Variants in WWOX observed in about 807,000 individuals in gnomAD.
The protein encoded by WWOX is WW domain containing oxidoreductase, also known as WW domain-containing oxidoreductase.
Under a neutral mutation model 46.2 loss-of-function variants are expected in WWOX, and 69 were observed. That is an observed-to-expected ratio of 1.49 (90% CI 1.23 to 1.82). The LOEUF is 1.82. Among genes scored for constraint, WWOX ranks in the 40% most tolerant of loss-of-function variants. The pLI is 0.00. For synonymous variants in WWOX, 359 were observed against 202.6 expected (o/e 1.77, Z -6.56); for missense variants, 919 against 542.6 (o/e 1.69, Z -6.89).
At chr16:78,892,785 G>C (rs952074446) in intron 8 of WWOX, among the ~76,000 whole-genome samples, 1 of 152,164 alleles carries the variant, frequency 6.6e-6, no homozygotes, top group African/African-American at 2.4e-5. Flanking sequence ...AGTTTTGTTA[G>C]CCACGATTTG....
At chr16:78,925,349 G>C (rs1219468165) in intron 8 of WWOX, among the ~76,000 whole-genome samples, 1 of 152,098 alleles carries the variant, frequency 6.6e-6, no homozygotes, top group Non-Finnish European at 1.5e-5. Flanking sequence ...TTCTAAAATG[G>C]CAACAAAGGG....
intron 8 of WWOX, among the ~76,000 whole-genome samples, chr16:78,924,628 T>C (rs74836248): frequency 0.012 from 1,765 of 152,342 alleles, 40 homozygotes; most frequent in African/African-American, 0.04. Context: ...TTTGACTGTT[T>C]AGAAAGTGTT....
chr16:78,126,681 C>T (rs1303508255), intron 4 of WWOX, among the ~76,000 whole-genome samples: 1 of 152,140 alleles, frequency 6.6e-6, no homozygotes, highest in Non-Finnish European at 1.5e-5. Context: ...GGCCTAACTC[C>T]TCAGTTTGCT....
chr16:78,749,396 A>G (rs1398459409), intron 8 of WWOX, among the ~76,000 whole-genome samples: 2 of 152,242 alleles, frequency 1.3e-5, no homozygotes, highest in Admixed American at 6.5e-5. Context: ...TTGCATTAAA[A>G]TTACCATTTT....
At position 78,334,427 on chromosome 16, in the gene WWOX, C is replaced by T. The variant is rs80028643; in HGVS notation, c.517-52433C>T. ...AACAACAAATAGTTCAGACTTTACT[C>T]TGAGCTATGAGTGAACCATTAAAGA... On this transcript the variant is annotated intron_variant, in intron 5 of 8. Coordinates refer to ENST00000566780, the MANE Select transcript of WWOX (RefSeq NM_016373.4). Among the ~76,000 whole-genome samples, 55 of 152,278 alleles carry T rather than the reference C, an allele frequency of 3.6e-4. 4 individuals carry two copies. The East Asian group carries it at 9.9e-3, about 27-fold the overall frequency.
intron 8 of WWOX, among the ~76,000 whole-genome samples, chr16:78,945,152 C>G (rs1358346994): frequency 6.6e-6 from 1 of 151,964 alleles, no homozygotes; most frequent in Non-Finnish European, 1.5e-5. Context: ...TGGAGTCCAC[C>G]CTGGGTGACA....
At chr16:78,676,297 C>A (rs949188753) in intron 8 of WWOX, among the ~76,000 whole-genome samples, 1 of 151,958 alleles carries the variant, frequency 6.6e-6, no homozygotes, top group African/African-American at 2.4e-5. Context: ...TCTAAAGAAG[C>A]GAGGGTCTCA....
At chr16:78,978,865 A>G (rs887032616) in intron 8 of WWOX, among the ~76,000 whole-genome samples, 4 of 152,120 alleles carry the variant, frequency 2.6e-5, no homozygotes, top group African/African-American at 9.7e-5. Context: ...GGGGATTACA[A>G]TTCAACATGA....
intron 8 of WWOX, among the ~76,000 whole-genome samples, chr16:78,587,266 C>G (rs1393578178): frequency 6.9e-6 from 1 of 145,516 alleles, no homozygotes; most frequent in African/African-American, 2.6e-5. Context: ...GTACTGGGCT[C>G]AAGCAATCCT....
intron 5 of WWOX, among the ~76,000 whole-genome samples, chr16:78,201,097 G>T (rs2036215586): frequency 6.6e-6 from 1 of 152,078 alleles, no homozygotes; most frequent in South Asian, 2.1e-4. Flanking sequence ...TGGATAGAAG[G>T]GACTGTACTA....
At chr16:78,456,103 C>G (rs751646666) in intron 8 of WWOX, among the ~76,000 whole-genome samples, 2 of 152,324 alleles carry the variant, frequency 1.3e-5, no homozygotes, top group East Asian at 1.9e-4. Flanking sequence ...GAGGAGGATT[C>G]AAGCCCCTTG....
At chr16:78,721,544 T>G (rs2048690668) in intron 8 of WWOX, among the ~76,000 whole-genome samples, 1 of 152,152 alleles carries the variant, frequency 6.6e-6, no homozygotes, top group Non-Finnish European at 1.5e-5. Flanking sequence ...TTGCTCTTCT[T>G]TAGAAGTCAT....
intron 8 of WWOX, among the ~76,000 whole-genome samples, chr16:79,197,155 A>G (rs2051256859): frequency 6.6e-6 from 1 of 152,180 alleles, no homozygotes; most frequent in Non-Finnish European, 1.5e-5. Flanking sequence ...ACAAGTCTGT[A>G]CCATTCTGTC....
At chr16:78,605,403 C>G (rs371543451) in intron 8 of WWOX, among the ~76,000 whole-genome samples, 1 of 151,614 alleles carries the variant, frequency 6.6e-6, no homozygotes, top group Admixed American at 6.6e-5. Flanking sequence ...AGACAGGGCT[C>G]ATGTCAAGGG....
At chr16:79,004,960 A>T (rs1024209562) in intron 8 of WWOX, among the ~76,000 whole-genome samples, 6 of 151,914 alleles carry the variant, frequency 3.9e-5, no homozygotes, top group African/African-American at 1.2e-4. Context: ...AGAAAGGAGG[A>T]GTTGTTGTTT....
intron 5 of WWOX, among the ~76,000 whole-genome samples, chr16:78,342,431 T>A (rs537308625): frequency 8.3e-6 from 1 of 121,020 alleles, no homozygotes; most frequent in East Asian, 1.9e-4. Flanking sequence ...AAGGACTCTG[T>A]AACAGGATGA....
At chr16:78,427,853 C>G (rs891798355) in intron 7 of WWOX, among the ~76,000 whole-genome samples, 5 of 152,072 alleles carry the variant, frequency 3.3e-5, no homozygotes, top group African/African-American at 1.2e-4. Flanking sequence ...GTAATCCCAG[C>G]ACTCAAGAGT....
chr16:78,885,783 A>T (rs1398315948), intron 8 of WWOX, among the ~76,000 whole-genome samples: 1 of 152,060 alleles, frequency 6.6e-6, no homozygotes, highest in East Asian at 1.9e-4. Context: ...TAATAGAAGG[A>T]TCGGATTCTT....
intron 8 of WWOX, among the ~76,000 whole-genome samples, chr16:78,666,924 T>C (rs2047344776): frequency 6.6e-6 from 1 of 152,222 alleles, no homozygotes; most frequent in African/African-American, 2.4e-5. Flanking sequence ...AAGACACTGT[T>C]GATGTCCAGG....
Sources: allele counts gnomAD v4.1 joint callset (sites outside exome capture counted in the v4.1 genomes callset), GRCh38; gene constraint gnomAD v4.1.1; transcripts MANE v1.5; gene names NCBI Gene and HGNC (gene_info 2026-07-23, HGNC 2026-07-21).